CSGALNACT1: variants seen among roughly 807,000 people sequenced by gnomAD.
CSGALNACT1 encodes the protein chondroitin sulfate N-acetylgalactosaminyltransferase 1.
Under a neutral mutation model 51.0 loss-of-function variants are expected in CSGALNACT1, and 52 were observed. The observed-to-expected ratio is 1.02, with a 90% confidence interval of 0.82 to 1.29. The LOEUF (loss-of-function observed/expected upper bound fraction) is 1.29, where lower values mean the gene tolerates loss of function less well. Among genes scored for constraint, CSGALNACT1 ranks in the 50% most tolerant of loss-of-function variants. The pLI is 0.00. For missense variants in CSGALNACT1, 935 were observed against 679.2 expected (o/e 1.38, Z -4.19); for synonymous variants, 341 against 254.4 (o/e 1.34, Z -3.24).
In CSGALNACT1 at chr8:19,601,976, C is replaced by T. The variant is rs141760359; in HGVS notation, c.-511+16G>A. The T allele has an allele frequency of 3.6e-3, 1,495 of 411,424 alleles. 23 individuals carry two copies. The highest frequency in any genetic ancestry group is 0.028 in the African/African-American group (1,362 of 48,318). The allele number at this position is 411,424 out of a possible 1,614,324, so 25.5% of individuals were successfully genotyped here. A position where few individuals can be genotyped will look rare whatever the true frequency, so the allele number is the denominator to read the frequency against. On this transcript the variant is annotated intron_variant, in intron 1 of 9. Transcript: ENST00000454498. ...ATCACTTAGTATATAAAATACAATG[C>T]ATCTGAAAGTATTACCCCAAAAAGC... is the stretch of plus-strand genomic sequence containing the variant.
chr8:19,586,605 G>T lies in CSGALNACT1; in HGVS notation c.-297+4555C>A, dbSNP rs999623111. Among the ~76,000 whole-genome samples the T allele has an allele frequency of 6.6e-5, 10 of 152,088 alleles. No homozygotes were observed. The South Asian group carries it at 1.7e-3, about 25-fold the overall frequency. On this transcript the variant is annotated intron_variant, in intron 3 of 9. Coordinates refer to ENST00000454498, the Ensembl canonical transcript of CSGALNACT1. ...ATTTTTTTAAAGCTCCAAATCAAAG[G>T]GTGAGAAACACTGGCTTAGTCTATG...
chr8:19,639,624 T>A (rs1463304500), intron 1 of CSGALNACT1, among the ~76,000 whole-genome samples: 2 of 152,116 alleles, frequency 1.3e-5, no homozygotes, highest in East Asian at 3.9e-4. Context: ...TCATACCAAG[T>A]CTTGGGAGTC....
intron 1 of CSGALNACT1, among the ~76,000 whole-genome samples, chr8:19,716,621 A>C (rs2062825733): frequency 7.2e-6 from 1 of 138,480 alleles, no homozygotes; most frequent in Middle Eastern, 3.2e-3. Context: ...ACAAAAAAAA[A>C]AAAAAAAAAA....
intron 5 of CSGALNACT1, among the ~76,000 whole-genome samples, chr8:19,449,539 A>G (rs572118054): frequency 6.6e-6 from 1 of 152,322 alleles, no homozygotes; most frequent in East Asian, 1.9e-4. Flanking sequence ...CCGAGACTCT[A>G]CACTTACTGC....
At chr8:19,408,628 C>T in exon 9 of CSGALNACT1, 1 of 1,613,926 alleles carries the variant, frequency 6.2e-7, no homozygotes, top group Non-Finnish European at 8.5e-7. Context: ...TTGATGAAGT[C>T]TGACCGATAC....
chr8:19,483,424 A>AT (rs1276732598), intron 4 of CSGALNACT1, among the ~76,000 whole-genome samples: 3 of 152,120 alleles, frequency 2.0e-5, no homozygotes, highest in Non-Finnish European at 4.4e-5. Context: ...GCCAAAATGG[A>AT]TTTTAGCCTT....
intron 3 of CSGALNACT1, among the ~76,000 whole-genome samples, chr8:19,570,619 A>C (rs1425920731): frequency 6.6e-6 from 1 of 152,180 alleles, no homozygotes; most frequent in East Asian, 1.9e-4. Flanking sequence ...AGACATGTAC[A>C]GGCCGGGTTT....
chr8:19,460,423 C>T (rs1190001854), intron 4 of CSGALNACT1, among the ~76,000 whole-genome samples: 1 of 152,152 alleles, frequency 6.6e-6, no homozygotes, highest in East Asian at 1.9e-4. Context: ...GAAAAACATA[C>T]AATAGCTAGG....
At position 19,505,419 on chromosome 8, in the gene CSGALNACT1, AG is replaced by A; in HGVS notation, c.415del (p.Leu139TrpfsTer34). On this transcript the variant is annotated frameshift_variant, in exon 4 of 10. Coordinates refer to ENST00000454498, the Ensembl canonical transcript of CSGALNACT1. LOFTEE classifies it high-confidence loss of function. ...AGGCACTGCTGCATACTCTGTGGCC[AG>A]CTTGACGCCAGCATTCACCTCTGCC... is the stretch of plus-strand genomic sequence containing the variant. 1 of 1,614,222 alleles carries A rather than the reference AG, an allele frequency of 6.2e-7. No individual in the cohort carries two copies. Among genetic ancestry groups the A allele is most frequent in the Non-Finnish European group, 8.5e-7 (1 of 1,180,034 alleles).
At chr8:19,616,568 T>C (rs891971149) in intron 1 of CSGALNACT1, among the ~76,000 whole-genome samples, 7 of 152,210 alleles carry the variant, frequency 4.6e-5, no homozygotes, top group African/African-American at 1.7e-4. Context: ...TGGGGCCTCC[T>C]GGAAGGTGAC....
At chr8:19,428,190 C>G (rs2153716998) in intron 6 of CSGALNACT1, among the ~76,000 whole-genome samples, 1 of 152,296 alleles carries the variant, frequency 6.6e-6, no homozygotes, top group Middle Eastern at 3.4e-3. Context: ...GTTTCCCACA[C>G]AATACCCGAA....
intron 3 of CSGALNACT1, among the ~76,000 whole-genome samples, chr8:19,581,649 T>C (rs1473798322): frequency 6.6e-6 from 1 of 152,096 alleles, no homozygotes; most frequent in African/African-American, 2.4e-5. Flanking sequence ...ACTTACTGTA[T>C]AAAAATATTT....
intron 1 of CSGALNACT1, among the ~76,000 whole-genome samples, chr8:19,708,701 C>T (rs935999683): frequency 3.9e-5 from 6 of 152,178 alleles, no homozygotes; most frequent in Non-Finnish European, 7.3e-5. Flanking sequence ...CATTACTGCT[C>T]CATCCTCTCC....
At chr8:19,481,956 G>A (rs756495557) in intron 4 of CSGALNACT1, among the ~76,000 whole-genome samples, 9 of 152,170 alleles carry the variant, frequency 5.9e-5, no homozygotes, top group African/African-American at 2.2e-4. Context: ...AGGAGTGCAG[G>A]GGGCTTTTTT....
chr8:19,457,782 T>C (rs1463639279), intron 5 of CSGALNACT1: 1 of 1,351,384 alleles, frequency 7.4e-7, no homozygotes. Flanking sequence ...AATCAAGGGC[T>C]TAAAGGCACA....
chr8:19,554,792 C>T (rs1160580477), intron 3 of CSGALNACT1, among the ~76,000 whole-genome samples: 1 of 152,060 alleles, frequency 6.6e-6, no homozygotes, highest in Non-Finnish European at 1.5e-5. Flanking sequence ...GTGGCACACA[C>T]CTGTAGTCCC....
intron 1 of CSGALNACT1, among the ~76,000 whole-genome samples, chr8:19,699,996 C>T (rs1024130751): frequency 2.6e-5 from 4 of 151,546 alleles, no homozygotes; most frequent in Non-Finnish European, 4.4e-5. Context: ...CCTGTAGTCC[C>T]AGCTACTCAG....
chr8:19,610,353 G>T (rs2052058576), intron 1 of CSGALNACT1, among the ~76,000 whole-genome samples: 1 of 151,038 alleles, frequency 6.6e-6, no homozygotes, highest in African/African-American at 2.4e-5. Flanking sequence ...AGAGGTGAAG[G>T]CGTGGTCCCT....
chr8:19,624,356 T>A (rs144158638), intron 1 of CSGALNACT1, among the ~76,000 whole-genome samples: 3 of 152,168 alleles, frequency 2.0e-5, no homozygotes, highest in African/African-American at 7.2e-5. Flanking sequence ...TCATCATGCT[T>A]TTATCTCCTA....
Sources: gnomAD v4.1 joint callset for allele counts (sites outside exome capture counted in the v4.1 genomes callset) on GRCh38, gnomAD v4.1.1 for gene constraint, MANE v1.5 for transcripts, NCBI Gene and HGNC (gene_info 2026-07-23, HGNC 2026-07-21) for gene names.